Variants in PTPRS observed in about 807,000 individuals in gnomAD.
PTPRS encodes receptor-type tyrosine-protein phosphatase S.
In PTPRS, 63 loss-of-function variants were observed where a neutral mutation model predicts 215.3. The ratio of observed to expected loss-of-function variants is 0.29; its 90% CI spans 0.24 to 0.36. PTPRS has a LOEUF of 0.36. Ranked by LOEUF, PTPRS falls within the 10% of genes least tolerant of loss-of-function variation. PTPRS has a pLI of 1.00. For synonymous variants in PTPRS, 1,404 were observed against 1,191.4 expected (o/e 1.18, Z -3.68); for missense variants, 2,258 against 2,825.8 (o/e 0.80, Z 4.56).
intron 7 of PTPRS, 121 bp from the exon 8 acceptor site, chr19:5,258,248 A>G (rs1599745999): frequency 2.5e-6 from 2 of 795,788 alleles, no homozygotes; most frequent in Middle Eastern, 2.7e-4. Context: ...AGAGAGGCAG[A>G]TAAGAGGTGA....
At chr19:5,236,683 C>T (rs2043467595) in intron 13 of PTPRS, among the ~76,000 whole-genome samples, 1 of 152,090 alleles carries the variant, frequency 6.6e-6, no homozygotes, top group Non-Finnish European at 1.5e-5. Context: ...GCAGAGGCCA[C>T]CCCAACAGCT....
In PTPRS at chr19:5,284,091, T is replaced by C. The variant is rs1599941473; in HGVS notation, c.91+1959A>G. Among the ~76,000 whole-genome samples, 4 of 152,086 alleles carry C rather than the reference T, an allele frequency of 2.6e-5. No homozygotes were observed. In the East Asian group the frequency reaches 7.8e-4, roughly 30 times the overall value. The stretch of plus-strand genomic sequence containing the variant: ...AATTAGCCAGGCCAGCCGGGCTCAG[T>C]GGCTCATGCCTGTAATCCCAGCACT... On this transcript the variant is annotated intron_variant, in intron 2 of 37. Transcript: ENST00000262963.
Position 5,244,063 on chromosome 19 carries a change from G to T in PTPRS, c.1408C>A (p.His470Asn). Residue 470 changes from histidine (H) to asparagine (N), a missense_variant, in exon 11 of 38, where the codon CAC becomes AAC. Physicochemically the swap from His to Asn is moderately conservative, Grantham distance 68. Around this residue, in one of 6 missense-constraint regions of PTPRS, gnomAD observed 508 missense variants for 799.4 expected, o/e 0.64. Transcript: ENST00000262963. The surrounding 1 kb of genome is among the most constrained non-coding windows in gnomAD (Gnocchi z 7.2). ...YRVYYTMEPEHPVGNWQKHNV... is the reference protein window; with the variant it reads ...YRVYYTMEPENPVGNWQKHNV... ...TGCTTCTGCCAGTTGCCCACGGGGT[G>T]CTCCGGTTCCATGGTGTAGTAGACG... 1 of 1,610,730 alleles carries T rather than the reference G, an allele frequency of 6.2e-7. No homozygotes were observed. The highest frequency in any genetic ancestry group is 8.5e-7 in the Non-Finnish European group (1 of 1,179,916).
In PTPRS at chr19:5,214,842, T is replaced by G. The variant is rs942993933; in HGVS notation, c.4319-106A>C. The stretch of plus-strand genomic sequence containing the variant: ...GTTCACTCTGACCGCTCCCAGATTG[T>G]CCCCAAGGTGACCATGGGACGTGTA... On this transcript the variant is annotated intron_variant, in intron 28 of 37. Transcript: ENST00000262963. 2.0e-5 allele frequency: 24 copies of G among 1,180,922 alleles called. No individual in the cohort carries two copies. In the Admixed American group the frequency reaches 2.5e-4, roughly 12 times the overall value. 73.2% of individuals were successfully genotyped at this position (1,180,922 alleles called of 1,614,324 possible).
intron 4 of PTPRS, among the ~76,000 whole-genome samples, chr19:5,268,147 G>C (rs987679126): frequency 1.3e-5 from 2 of 152,050 alleles, no homozygotes; most frequent in African/African-American, 2.4e-5. Context: ...TCCAGCCTGG[G>C]CGACAGAGCA....
chr19:5,219,254 T>A, intron 23 of PTPRS, 56 bp downstream of exon 23: 1 of 1,597,558 alleles, frequency 6.3e-7, no homozygotes, highest in Non-Finnish European at 8.6e-7. Context: ...TCCTCCCTCC[T>A]TTTCCAGGAA....
At position 5,210,949 on chromosome 19, in the gene PTPRS, A is replaced by G; in HGVS notation, c.5235-144T>C. ...CCTGCCAGGAATGGCTGCTGGGTGCACCACTTCCCCTCCTGGTGATCCCAT... is the reference window on the plus strand; with the variant it reads ...CCTGCCAGGAATGGCTGCTGGGTGCGCCACTTCCCCTCCTGGTGATCCCAT... On this transcript the variant is annotated intron_variant, in intron 33 of 37. Transcript: ENST00000262963. This position sits in a 1 kb window ranked among gnomAD's most constrained non-coding sequence, Gnocchi z 4.5. 1 of 1,133,664 alleles carries G rather than the reference A, an allele frequency of 8.8e-7. No homozygotes were observed. The highest frequency in any genetic ancestry group is 2.6e-5 in the East Asian group (1 of 38,768). 70.2% of individuals were successfully genotyped at this position (1,133,664 alleles called of 1,614,324 possible). A position where few individuals can be genotyped will look rare whatever the true frequency, so the allele number is the denominator to read the frequency against.
chr19:5,219,194 T>G lies in PTPRS; in HGVS notation c.3923+116A>C, dbSNP rs2041756302. On this transcript the variant is annotated intron_variant, in intron 23 of 37. Transcript: ENST00000262963. ...GTGGCTTAACCTCTCTGAACTTCGGTTTCCCCATGTGTACAACAGAGACCT... is the reference window on the plus strand; with the variant it reads ...GTGGCTTAACCTCTCTGAACTTCGGGTTCCCCATGTGTACAACAGAGACCT... The G allele has an allele frequency of 2.9e-6, 4 of 1,397,566 alleles. No homozygotes were observed. In the East Asian group the frequency reaches 7.0e-5, roughly 24 times the overall value. 86.6% of individuals were successfully genotyped at this position (1,397,566 alleles called of 1,614,324 possible).
Position 5,206,280 on chromosome 19 carries a change from A to G in PTPRS, c.*494T>C, listed in dbSNP as rs1187520076. 3 of 228,842 alleles carry G rather than the reference A, an allele frequency of 1.3e-5. No homozygotes were observed. The East Asian group carries it at 1.9e-4, about 14-fold the overall frequency. The allele number at this position is 228,842 out of a possible 1,614,324, so 14.2% of individuals were successfully genotyped here. A position where few individuals can be genotyped will look rare whatever the true frequency, so the allele number is the denominator to read the frequency against. ...AAAAAAATGGAAAAAAAAATACACT[A>G]TTTAAAAAAAATGAAATGTCACGGG... On this transcript the variant is annotated 3_prime_UTR_variant, in exon 38 of 38. Transcript: ENST00000262963.
At chr19:5,222,377 G>GCCCTGCCCTGTCCTGTCCCAAGT (rs2042057661) in intron 18 of PTPRS, among the ~76,000 whole-genome samples, 157 bp from the exon 19 acceptor site, 1 of 151,340 alleles carries the variant, frequency 6.6e-6, no homozygotes, top group African/African-American at 2.4e-5. Flanking sequence ...CCCTGGCCCG[G>GCCCTGCCCTGTCCTGTCCCAAGT]CCCTGCCCTG....
At chr19:5,231,284 G>A (rs372447914) in intron 14 of PTPRS, 26 bp downstream of exon 14, 41 of 1,577,206 alleles carry the variant, frequency 2.6e-5, no homozygotes, top group Non-Finnish European at 3.2e-5. Context: ...CCTGCGGGGG[G>A]TCCCGGGCCT....
intron 1 of PTPRS, among the ~76,000 whole-genome samples, chr19:5,318,757 A>G (rs1195604991): frequency 1.3e-5 from 2 of 152,074 alleles, no homozygotes; most frequent in African/African-American, 4.8e-5. Flanking sequence ...GGCTCAAGTG[A>G]TCCTCCCGTC....
intron 1 of PTPRS, chr19:5,292,809 G>A (rs1165995114): frequency 6.6e-6 from 1 of 152,272 alleles, no homozygotes; most frequent in Non-Finnish European, 1.5e-5. Context: ...TGGCAGCGAA[G>A]GCTGCCCCGC....
intron 2 of PTPRS, among the ~76,000 whole-genome samples, chr19:5,283,983 G>A (rs1431653339): frequency 1.3e-5 from 2 of 152,144 alleles, no homozygotes; most frequent in Admixed American, 6.6e-5. Flanking sequence ...GGGAGGCTGA[G>A]GTGGGAGGAT....
intron 9 of PTPRS, among the ~76,000 whole-genome samples, chr19:5,255,483 G>A (rs1042744424): frequency 5.3e-5 from 8 of 151,600 alleles, no homozygotes; most frequent in African/African-American, 1.2e-4. Flanking sequence ...AACCAAAGAC[G>A]AGTCGCTTTG....
chr19:5,228,993 G>C (rs2042766037), intron 16 of PTPRS, among the ~76,000 whole-genome samples: 1 of 152,226 alleles, frequency 6.6e-6, no homozygotes, highest in Admixed American at 6.5e-5. Context: ...CTACGGGCAG[G>C]AGAAGGACCC....
At position 5,240,763 on chromosome 19, in the gene PTPRS, C is replaced by T. The variant is rs938996703; in HGVS notation, c.1571-431G>A. Among the ~76,000 whole-genome samples, 4 of 151,238 alleles carry T rather than the reference C, an allele frequency of 2.6e-5. No individual in the cohort carries two copies. In the East Asian group the frequency reaches 5.9e-4, roughly 22 times the overall value. ...CTGAGGCAGGAGAATGGTGCGAACC[C>T]GGGAGGCGGAGCTTGCAGTCAGCGG... On this transcript the variant is annotated intron_variant, in intron 11 of 37. Coordinates refer to ENST00000262963, the MANE Select transcript of PTPRS (RefSeq NM_002850.4).
At chr19:5,309,589 G>A (rs1044051130) in intron 1 of PTPRS, among the ~76,000 whole-genome samples, 3 of 152,196 alleles carry the variant, frequency 2.0e-5, no homozygotes, top group East Asian at 1.9e-4. Context: ...CTCCGCAGGC[G>A]TCCTGCTAAT....
At chr19:5,236,848 GGAAAA>G (rs1321113269) in intron 13 of PTPRS, among the ~76,000 whole-genome samples, 1 of 126,172 alleles carries the variant, frequency 7.9e-6, no homozygotes, top group Non-Finnish European at 1.5e-5. Flanking sequence ...GGGAGCAGGG[GGAAAA>G]AAAAAAAAAA....
Sources: allele counts gnomAD v4.1 joint callset (sites outside exome capture counted in the v4.1 genomes callset), GRCh38; gene constraint gnomAD v4.1.1; regional missense constraint gnomAD v4.1.1; non-coding constraint Gnocchi (gnomAD v3.1); transcripts MANE v1.5; gene names NCBI Gene and HGNC (gene_info 2026-07-23, HGNC 2026-07-21).